Variants in PDE4D observed in about 807,000 individuals in gnomAD.
PDE4D encodes 3',5'-cyclic-AMP phosphodiesterase 4D.
PDE4D carries 24 observed loss-of-function variants against 87.4 expected under a neutral mutation model. The observed-to-expected ratio is 0.27, with a 90% CI of 0.20 to 0.39. The LOEUF (loss-of-function observed/expected upper bound fraction) is 0.39. Among genes scored for constraint, PDE4D ranks in the 10% least tolerant of loss-of-function variants. PDE4D has a pLI of 1.00. For missense variants in PDE4D, 714 were observed against 1,041.0 expected, an observed-to-expected ratio of 0.69 and a Z score of 4.32; for synonymous variants, 384 against 383.2, an observed-to-expected ratio of 1.00 and a Z score of -0.02.
intron 1 of PDE4D, among the ~76,000 whole-genome samples, chr5:59,520,819 T>C (rs957057787): frequency 6.6e-6 from 1 of 152,058 alleles, no homozygotes; most frequent in South Asian, 2.1e-4. Context: ...TTTTAAGAGA[T>C]AAAAAAGAGC....
chr5:60,481,247 C>G (rs2150216112), intron 1 of PDE4D, among the ~76,000 whole-genome samples: 1 of 152,086 alleles, frequency 6.6e-6, no homozygotes, highest in East Asian at 1.9e-4. Flanking sequence ...ATTGGTTTGA[C>G]AGGCTTATGA....
At chr5:60,219,728 C>T (rs79604552) in intron 1 of PDE4D, among the ~76,000 whole-genome samples, 1,533 of 152,162 alleles carry the variant, frequency 0.01, 33 homozygotes, top group African/African-American at 0.035. Context: ...AAACTAAGGC[C>T]GGGACCTTAG....
intron 1 of PDE4D, among the ~76,000 whole-genome samples, chr5:60,379,490 C>A (rs1337534668): frequency 6.6e-6 from 1 of 152,180 alleles, no homozygotes; most frequent in Non-Finnish European, 1.5e-5. Context: ...GCTCTGAGGA[C>A]CCAATCTCAT....
At chr5:59,687,144 T>C (rs1040121893) in intron 1 of PDE4D, among the ~76,000 whole-genome samples, 2 of 152,176 alleles carry the variant, frequency 1.3e-5, no homozygotes, top group Non-Finnish European at 1.5e-5. Flanking sequence ...AGTTATCTCA[T>C]GTTTTGACAT....
chr5:59,785,369 A>G (rs1187644234), intron 1 of PDE4D, among the ~76,000 whole-genome samples: 1 of 152,210 alleles, frequency 6.6e-6, no homozygotes, highest in Non-Finnish European at 1.5e-5. Flanking sequence ...TTAACACTTC[A>G]TTCATTGATT....
At chr5:60,081,068 G>A (rs1562068073) in intron 2 of PDE4D, among the ~76,000 whole-genome samples, 2 of 152,066 alleles carry the variant, frequency 1.3e-5, no homozygotes, top group African/African-American at 4.8e-5. Context: ...ACTGTTATTG[G>A]TCTATTCAGG....
intron 1 of PDE4D, among the ~76,000 whole-genome samples, chr5:59,259,665 A>G (rs896647443): frequency 3.1e-5 from 4 of 128,460 alleles, no homozygotes; most frequent in African/African-American, 1.0e-4. Flanking sequence ...GATAACTGAG[A>G]AAAAAAAGAA....
At chr5:59,988,006 T>C (rs964074842) in intron 3 of PDE4D, 1 of 152,818 alleles carries the variant, frequency 6.5e-6, no homozygotes, top group Non-Finnish European at 1.5e-5. Flanking sequence ...AAGCAATACC[T>C]CAAAATGTCA....
rs75936732 is a variant in PDE4D, at chr5:59,001,037, T to G, written c.922-7572A>C. ...TACACAAAGTTAAGAAAGGAATGAGTGGCTCTTAGGAATCCAGAATTGAGC... is the reference window on the plus strand; with the variant it reads ...TACACAAAGTTAAGAAAGGAATGAGGGGCTCTTAGGAATCCAGAATTGAGC... On this transcript the variant is annotated intron_variant, in intron 6 of 14. Transcript: ENST00000340635. Among the ~76,000 whole-genome samples, 946 of 152,172 alleles carry G rather than the reference T, an allele frequency of 6.2e-3. 7 individuals are homozygous for G. The highest frequency in any genetic ancestry group is 0.022 in the African/African-American group (898 of 41,514).
At chr5:60,296,524 G>A (rs920172717) in intron 1 of PDE4D, among the ~76,000 whole-genome samples, 6 of 152,092 alleles carry the variant, frequency 3.9e-5, no homozygotes, top group Non-Finnish European at 1.5e-5. Context: ...TTTCTAATAA[G>A]TACCATAAGT....
chr5:60,211,352 G>GC (rs1250439681), intron 1 of PDE4D, among the ~76,000 whole-genome samples: 1 of 151,746 alleles, frequency 6.6e-6, no homozygotes, highest in Non-Finnish European at 1.5e-5. Context: ...AATGTACAGA[G>GC]CAACCCTTCA....
chr5:59,511,782 C>T (rs927985240), intron 1 of PDE4D, among the ~76,000 whole-genome samples: 21 of 151,936 alleles, frequency 1.4e-4, no homozygotes, highest in Non-Finnish European at 1.3e-4. Context: ...GAACAGTGTC[C>T]AGTCAATTCA....
intron 1 of PDE4D, among the ~76,000 whole-genome samples, chr5:60,383,635 G>C (rs959796206): frequency 1.3e-5 from 2 of 152,162 alleles, no homozygotes; most frequent in Non-Finnish European, 2.9e-5. Context: ...TCAGAGAGTT[G>C]GCGGAAAATT....
At chr5:59,923,172 G>A (rs1258027420) in intron 3 of PDE4D, among the ~76,000 whole-genome samples, 2 of 152,166 alleles carry the variant, frequency 1.3e-5, no homozygotes, top group African/African-American at 2.4e-5. Flanking sequence ...TATAGCTTTG[G>A]TGCCAGGTCA....
chr5:59,635,990 C>T (rs970644689), intron 1 of PDE4D, among the ~76,000 whole-genome samples: 17 of 152,254 alleles, frequency 1.1e-4, no homozygotes, highest in South Asian at 6.2e-4. Flanking sequence ...AAAACCCCAT[C>T]GTCTCAGCCC....
intron 1 of PDE4D, among the ~76,000 whole-genome samples, chr5:59,498,813 T>G (rs1229578008): frequency 1.3e-5 from 2 of 152,058 alleles, no homozygotes; most frequent in Non-Finnish European, 2.9e-5. Context: ...AAGACTTTCA[T>G]GGCCACCCAA....
At chr5:59,159,309 T>TC (rs1780692837) in intron 5 of PDE4D, among the ~76,000 whole-genome samples, 1 of 151,566 alleles carries the variant, frequency 6.6e-6, no homozygotes, top group Non-Finnish European at 1.5e-5. Flanking sequence ...TTGTATTTTT[T>TC]TTTTGTAGAG....
At position 59,116,442 on chromosome 5, in the gene PDE4D, C is replaced by T. The variant is rs1773624679; in HGVS notation, c.808+64153G>A. ...TTTTAAAAACAACATTTGGCAAGAACATGTGCAAACGTGATCAATGAGCAT... is the reference window on the plus strand; with the variant it reads ...TTTTAAAAACAACATTTGGCAAGAATATGTGCAAACGTGATCAATGAGCAT... On this transcript the variant is annotated intron_variant, in intron 5 of 14. Coordinates refer to ENST00000340635, the MANE Select transcript of PDE4D (RefSeq NM_001104631.2). 2.6e-5 allele frequency among the ~76,000 whole-genome samples: 4 copies of T among 152,266 alleles called. No individual in the cohort carries two copies. In the South Asian group the frequency reaches 8.3e-4, roughly 32 times the overall value.
chr5:59,650,772 T>C (rs1370589648), intron 1 of PDE4D, among the ~76,000 whole-genome samples: 2 of 152,172 alleles, frequency 1.3e-5, no homozygotes, highest in African/African-American at 4.8e-5. Flanking sequence ...ATTTGAAATG[T>C]TGATTTCATA....
Sources: gnomAD v4.1 joint callset for allele counts (sites outside exome capture counted in the v4.1 genomes callset) on GRCh38, gnomAD v4.1.1 for gene constraint, MANE v1.5 for transcripts, NCBI Gene and HGNC (gene_info 2026-07-23, HGNC 2026-07-21) for gene names.